Variants in KIF13B observed in about 807,000 individuals in gnomAD.
KIF13B encodes the protein kinesin-like protein KIF13B.
Under a neutral mutation model 222.0 loss-of-function variants are expected in KIF13B, and 127 were observed. The ratio of observed to expected loss-of-function variants is 0.57; its 90% CI spans 0.50 to 0.66. The LOEUF is 0.66. Among genes scored for constraint, KIF13B ranks in the 30% least tolerant of loss-of-function variants. The probability of loss-of-function intolerance (pLI) is 0.00; values close to 1 mark genes in which losing one functional copy is unlikely to be tolerated. For synonymous variants in KIF13B, 976 were observed against 919.0 expected (o/e 1.06, Z -1.12); for missense variants, 2,173 against 2,379.0 (o/e 0.91, Z 1.80).
At chr8:29,147,344 G>A in intron 17 of KIF13B, 48 bp downstream of exon 17, 3 of 1,389,794 alleles carry the variant, frequency 2.2e-6, no homozygotes, top group South Asian at 1.2e-5. Context: ...TGTGTTAGAG[G>A]TGGCAAGCCT....
At chr8:29,183,160 T>A (rs977374328) in intron 6 of KIF13B, among the ~76,000 whole-genome samples, 2 of 145,454 alleles carry the variant, frequency 1.4e-5, no homozygotes, top group Admixed American at 7.2e-5. Context: ...TTATAATCCT[T>A]AAAGTTTGTT....
intron 37 of KIF13B, 80 bp downstream of exon 37, chr8:29,092,665 C>A: frequency 6.9e-7 from 1 of 1,440,864 alleles, no homozygotes. Flanking sequence ...GAGGCCGCAC[C>A]TCCACCTCCA....
rs1358922621 is a variant in KIF13B at position 29,155,632 on chromosome 8, T to C, written c.1535+94A>G. Reference sequence around the variant, plus strand: ...CAACCAACTGGATTACTTAATGTGGTCAACTTAAAAGCAACAAAGGCCACT... The same window carrying C: ...CAACCAACTGGATTACTTAATGTGGCCAACTTAAAAGCAACAAAGGCCACT... On this transcript the variant is annotated intron_variant, in intron 14 of 39. Coordinates refer to ENST00000524189, the MANE Select transcript of KIF13B (RefSeq NM_015254.4). 8.2e-6 allele frequency: 9 copies of C among 1,098,040 alleles called. No individual in the cohort carries two copies. In the East Asian group the frequency reaches 1.8e-4, roughly 22 times the overall value. The allele number at this position is 1,098,040 out of a possible 1,614,324, so 68.0% of individuals were successfully genotyped here. A position where few individuals can be genotyped will look rare whatever the true frequency, so the allele number is the denominator to read the frequency against.
At chr8:29,199,845 T>C (rs1813614240) in intron 2 of KIF13B, among the ~76,000 whole-genome samples, 1 of 152,232 alleles carries the variant, frequency 6.6e-6, no homozygotes, top group African/African-American at 2.4e-5. Flanking sequence ...AGGTTAGCAC[T>C]TGGTGCTTAT....
chr8:29,216,450 T>C (rs1379825358), intron 2 of KIF13B, among the ~76,000 whole-genome samples: 1 of 151,910 alleles, frequency 6.6e-6, no homozygotes, highest in Admixed American at 6.6e-5. Context: ...CACAAAATAT[T>C]TAGCTGGGCA....
intron 2 of KIF13B, among the ~76,000 whole-genome samples, chr8:29,209,705 C>G (rs988593608): frequency 6.6e-6 from 1 of 152,036 alleles, no homozygotes; most frequent in Admixed American, 6.6e-5. Context: ...AGGTGAGCAT[C>G]AAGTACACTC....
intron 2 of KIF13B, among the ~76,000 whole-genome samples, chr8:29,220,450 G>A (rs903391430): frequency 6.6e-5 from 10 of 152,078 alleles, no homozygotes; most frequent in South Asian, 4.1e-4. Context: ...AATAACTGTT[G>A]TTCTGTTAAC....
At chr8:29,223,175 A>C (rs1814838914) in intron 2 of KIF13B, among the ~76,000 whole-genome samples, 1 of 150,122 alleles carries the variant, frequency 6.7e-6, no homozygotes, top group Non-Finnish European at 1.5e-5. Flanking sequence ...AAAAAAAAAA[A>C]AAACAAAAAA....
At chr8:29,236,919 TTGC>T (rs1405661103) in intron 2 of KIF13B, among the ~76,000 whole-genome samples, 2 of 144,234 alleles carry the variant, frequency 1.4e-5, no homozygotes, top group Non-Finnish European at 3.1e-5. Flanking sequence ...GTTTTTTGTT[TTGC>T]TTTTTTTTAC....
chr8:29,084,154 G>C (rs1807936019), intron 37 of KIF13B, among the ~76,000 whole-genome samples: 1 of 152,158 alleles, frequency 6.6e-6, no homozygotes, highest in Non-Finnish European at 1.5e-5. Flanking sequence ...CTGACGTCAT[G>C]ATCCGCCCAC....
chr8:29,188,380 C>T (rs765937925), intron 5 of KIF13B, 135 bp downstream of exon 5: 2 of 557,600 alleles, frequency 3.6e-6, no homozygotes, highest in Non-Finnish European at 6.3e-6. Context: ...TTACTGACTA[C>T]TTTCAACATC....
rs1815758788 is a variant in KIF13B, at chr8:29,241,111, T to C, written c.149+4235A>G. ...TGTGATACAACAGACTATTATTTCA[T>C]CATAAAAAGGAATGAAGTATTGATA... is the stretch of plus-strand genomic sequence containing the variant. On this transcript the variant is annotated intron_variant, in intron 2 of 39. Transcript: ENST00000524189. Among the ~76,000 whole-genome samples, 5 of 152,274 alleles carry C rather than the reference T, an allele frequency of 3.3e-5. No individual in the cohort carries two copies. The South Asian group carries it at 1.0e-3, about 32-fold the overall frequency.
intron 2 of KIF13B, among the ~76,000 whole-genome samples, chr8:29,227,727 T>G (rs764028381): frequency 6.6e-6 from 1 of 152,024 alleles, no homozygotes; most frequent in South Asian, 2.1e-4. Context: ...GGTGGCAGGA[T>G]CACTTGAGGC....
intron 10 of KIF13B, among the ~76,000 whole-genome samples, chr8:29,171,730 T>A (rs1218171009): frequency 6.7e-6 from 1 of 150,002 alleles, no homozygotes; most frequent in Non-Finnish European, 1.5e-5. Flanking sequence ...CAAATGACGT[T>A]AAAAAAAATC....
intron 3 of KIF13B, among the ~76,000 whole-genome samples, chr8:29,194,788 T>C (rs896073180): frequency 2.6e-5 from 4 of 152,186 alleles, no homozygotes; most frequent in Non-Finnish European, 4.4e-5. Context: ...GTTCAACAAG[T>C]ACACCTCTCC....
intron 3 of KIF13B, among the ~76,000 whole-genome samples, chr8:29,195,956 G>A (rs1057078123): frequency 6.6e-6 from 1 of 152,236 alleles, no homozygotes; most frequent in Non-Finnish European, 1.5e-5. Flanking sequence ...CTGTGTTGTA[G>A]CTGCTAGGAG....
At chr8:29,242,392 T>C (rs1417475665) in intron 2 of KIF13B, among the ~76,000 whole-genome samples, 1 of 152,222 alleles carries the variant, frequency 6.6e-6, no homozygotes, top group Non-Finnish European at 1.5e-5. Flanking sequence ...AGGATAAAAG[T>C]TTAATAAGTT....
chr8:29,104,910 A>G (rs1004480344), intron 35 of KIF13B, among the ~76,000 whole-genome samples: 7 of 150,200 alleles, frequency 4.7e-5, no homozygotes, highest in Admixed American at 2.0e-4. Context: ...TCGCCCGGCT[A>G]ATTTTCTGTA....
chr8:29,222,316 C>T (rs570084250), intron 2 of KIF13B, among the ~76,000 whole-genome samples: 14 of 152,148 alleles, frequency 9.2e-5, no homozygotes, highest in African/African-American at 2.9e-4. Context: ...TGGCATGGCA[C>T]GGCACTGCAC....
Sources: allele counts gnomAD v4.1 joint callset (sites outside exome capture counted in the v4.1 genomes callset), GRCh38; gene constraint gnomAD v4.1.1; transcripts MANE v1.5; gene names NCBI Gene and HGNC (gene_info 2026-07-23, HGNC 2026-07-21).